The following PTPN1 variants were observed in gnomAD, a reference collection of about 807,000 sequenced individuals.
PTPN1 encodes protein tyrosine phosphatase non-receptor type 1, also known as tyrosine-protein phosphatase non-receptor type 1.
A neutral mutation model predicts 59.9 loss-of-function variants in PTPN1; 12 were observed. The observed-to-expected ratio is 0.20, with a 90% CI of 0.13 to 0.32. PTPN1 has a LOEUF of 0.32. PTPN1 is among the 10% of genes least tolerant of loss of function. PTPN1 has a pLI of 1.00. For synonymous variants in PTPN1, 178 were observed against 203.6 expected (o/e 0.87, Z 1.07); for missense variants, 356 against 549.2 (o/e 0.65, Z 3.52).
chr20:50,511,103 A>G (rs1012084424), intron 1 of PTPN1, among the ~76,000 whole-genome samples: 19 of 151,888 alleles, frequency 1.3e-4, no homozygotes, highest in Non-Finnish European at 2.8e-4. Context: ...CTTTCTGTTC[A>G]TTCATTTATT....
chr20:50,544,666 A>T (rs2082667095), intron 1 of PTPN1, among the ~76,000 whole-genome samples: 1 of 152,194 alleles, frequency 6.6e-6, no homozygotes, highest in South Asian at 2.1e-4. Flanking sequence ...GCGGGGCTCA[A>T]ACCCACTGGG....
chr20:50,574,556 G>A lies in PTPN1; in HGVS notation c.394G>A (p.Glu132Lys), dbSNP rs2082826686. Residue 132 changes from glutamate to lysine, a missense_variant, in exon 5 of 10, where the codon GAG becomes AAG. Glu to Lys is a moderately conservative substitution (Grantham distance 56). This residue lies in a region of PTPN1 where 194 missense variants were observed against 344.2 expected (regional missense o/e 0.56). Coordinates refer to ENST00000371621, the MANE Select transcript of PTPN1 (RefSeq NM_002827.4). Reference protein sequence around the residue: ...AQYWPQKEEKEMIFEDTNLKL... With the variant: ...AQYWPQKEEKKMIFEDTNLKL... ...ATACTGGCCACAAAAAGAAGAAAAA[G>A]AGATGATCTTTGAAGACACAAATTT... 1 of 1,606,372 alleles carries A rather than the reference G, an allele frequency of 6.2e-7. No individual in the cohort carries two copies.
intron 1 of PTPN1, among the ~76,000 whole-genome samples, chr20:50,514,468 C>T (rs1398154574): frequency 6.6e-6 from 1 of 152,154 alleles, no homozygotes. Context: ...AGAAAACTGT[C>T]TTGTGATCTT....
chr20:50,533,000 G>C (rs1466483585), intron 1 of PTPN1, among the ~76,000 whole-genome samples: 1 of 151,530 alleles, frequency 6.6e-6, no homozygotes, highest in East Asian at 1.9e-4. Context: ...TGCAGGTATT[G>C]CCCTGTTTTG....
chr20:50,515,964 A>C (rs888348804), intron 1 of PTPN1, among the ~76,000 whole-genome samples: 2 of 152,210 alleles, frequency 1.3e-5, no homozygotes, highest in Admixed American at 1.3e-4. Flanking sequence ...TAGCCAGTAG[A>C]AGCTGATACC....
chr20:50,540,615 C>T (rs914162699), intron 1 of PTPN1, among the ~76,000 whole-genome samples: 7 of 152,146 alleles, frequency 4.6e-5, no homozygotes, highest in Admixed American at 1.3e-4. Context: ...CCATGTCACT[C>T]AGGGATTGGA....
intron 2 of PTPN1, among the ~76,000 whole-genome samples, chr20:50,564,081 C>A (rs1286868480): frequency 4.0e-5 from 6 of 148,916 alleles, no homozygotes; most frequent in South Asian, 2.1e-4. Flanking sequence ...AAAAAAAAAA[C>A]AAAAACCTCG....
chr20:50,554,744 C>T (rs1238168783), intron 1 of PTPN1, among the ~76,000 whole-genome samples: 2 of 151,792 alleles, frequency 1.3e-5, no homozygotes, highest in Admixed American at 1.3e-4. Flanking sequence ...GAAAGTAGAC[C>T]ATCGTGAATT....
intron 2 of PTPN1, among the ~76,000 whole-genome samples, chr20:50,563,348 C>T (rs1023600493): frequency 2.7e-4 from 41 of 152,120 alleles, no homozygotes; most frequent in African/African-American, 9.4e-4. Context: ...CAGCAGTCCA[C>T]AGTTACAGGC....
chr20:50,538,845 G>A (rs2082635460), intron 1 of PTPN1, among the ~76,000 whole-genome samples: 1 of 151,998 alleles, frequency 6.6e-6, no homozygotes, highest in African/African-American at 2.4e-5. Flanking sequence ...AGTCTGATTT[G>A]AAGTATTCCT....
chr20:50,542,995 T>A (rs930193900), intron 1 of PTPN1, among the ~76,000 whole-genome samples: 28 of 152,328 alleles, frequency 1.8e-4, no homozygotes, highest in African/African-American at 5.5e-4. Flanking sequence ...GTTATGCCTA[T>A]TATATGAAAT....
At chr20:50,543,445 C>T (rs1447937758) in intron 1 of PTPN1, among the ~76,000 whole-genome samples, 5 of 152,224 alleles carry the variant, frequency 3.3e-5, no homozygotes, top group African/African-American at 1.2e-4. Flanking sequence ...AATAGTTTGT[C>T]TATCTCTGAA....
chr20:50,566,911 T>C (rs910285919), intron 3 of PTPN1, among the ~76,000 whole-genome samples: 2 of 152,210 alleles, frequency 1.3e-5, no homozygotes, highest in Non-Finnish European at 2.9e-5. Context: ...GCCAGCCATG[T>C]GCCACGGGAT....
chr20:50,553,122 G>T (rs2082710696), intron 1 of PTPN1, among the ~76,000 whole-genome samples: 1 of 152,170 alleles, frequency 6.6e-6, no homozygotes, highest in South Asian at 2.1e-4. Context: ...CTTTGCTGTA[G>T]CTCCAATATT....
chr20:50,519,662 T>A (rs2082542844), intron 1 of PTPN1, among the ~76,000 whole-genome samples: 1 of 152,148 alleles, frequency 6.6e-6, no homozygotes, highest in Non-Finnish European at 1.5e-5. Flanking sequence ...GCTGTTTTAT[T>A]TACAGGGCAA....
Position 50,583,021 on chromosome 20 carries a change from C to G in PTPN1, c.*306C>G. 1 of 430,882 alleles carries G rather than the reference C, an allele frequency of 2.3e-6. No individual in the cohort carries two copies. The highest frequency in any genetic ancestry group is 3.6e-5 in the Admixed American group (1 of 27,952). The allele number at this position is 430,882 out of a possible 1,614,324, so 26.7% of individuals were successfully genotyped here. On this transcript the variant is annotated 3_prime_UTR_variant, in exon 10 of 10. Coordinates refer to ENST00000371621, the MANE Select transcript of PTPN1 (RefSeq NM_002827.4). ...GCCTACACCCGTCTTGGGGCTCGCC[C>G]CACCCAGGGCTCCCTCCTGGAGCAT...
chr20:50,541,226 T>TGAGAAAG (rs1400567533), intron 1 of PTPN1, among the ~76,000 whole-genome samples: 1 of 152,176 alleles, frequency 6.6e-6, no homozygotes, highest in Non-Finnish European at 1.5e-5. Flanking sequence ...ACAGAGAAAG[T>TGAGAAAG]TCTCAAAGTT....
rs369586904 is a variant in PTPN1 at position 50,520,227 on chromosome 20, C to G, written c.63+9637C>G. On this transcript the variant is annotated intron_variant, in intron 1 of 9. Coordinates refer to ENST00000371621, the MANE Select transcript of PTPN1 (RefSeq NM_002827.4). ...TCTCTACTAAAAATACAAAATTAGC[C>G]GAGCGTGGTGGTACATGCCTGTAAT... 5.3e-5 allele frequency among the ~76,000 whole-genome samples: 8 copies of G among 151,846 alleles called. No individual in the cohort carries two copies. In the East Asian group the frequency reaches 1.5e-3, roughly 29 times the overall value.
At chr20:50,516,267 C>T (rs904648600) in intron 1 of PTPN1, among the ~76,000 whole-genome samples, 2 of 151,738 alleles carry the variant, frequency 1.3e-5, no homozygotes, top group African/African-American at 2.4e-5. Context: ...ATTCTTTGGC[C>T]TTTGATCAGA....
Sources: allele counts gnomAD v4.1 joint callset (sites outside exome capture counted in the v4.1 genomes callset), GRCh38; gene constraint gnomAD v4.1.1; regional missense constraint gnomAD v4.1.1; transcripts MANE v1.5; gene names NCBI Gene and HGNC (gene_info 2026-07-23, HGNC 2026-07-21).